Variants in PPP1R12B observed in about 807,000 individuals in gnomAD.
PPP1R12B encodes myosin phosphatase target subunit 2.
In PPP1R12B, 76 loss-of-function variants were observed where a neutral mutation model predicts 126.1. That is an observed-to-expected ratio of 0.60 (90% CI 0.50 to 0.73). PPP1R12B has a LOEUF of 0.73. PPP1R12B is among the 30% of genes least tolerant of loss of function. The pLI, the probability that PPP1R12B is intolerant of heterozygous loss-of-function variation, is 0.00. For synonymous variants in PPP1R12B, 356 were observed against 434.7 expected (o/e 0.82, Z 2.25); for missense variants, 1,052 against 1,205.1 (o/e 0.87, Z 1.88).
chr1:202,510,528 A>G (rs1681331614), intron 18 of PPP1R12B, among the ~76,000 whole-genome samples: 6 of 152,328 alleles, frequency 3.9e-5, no homozygotes, highest in East Asian at 1.9e-4. Context: ...ATTAAAGAGT[A>G]GGATTAACTG....
intron 10 of PPP1R12B, 25 bp from the exon 11 acceptor site, chr1:202,440,681 T>A: frequency 1.3e-6 from 2 of 1,567,566 alleles, no homozygotes; most frequent in Non-Finnish European, 1.8e-6. Context: ...ACCTTTCTTG[T>A]GCTTTACTTG....
At chr1:202,490,785 C>A (rs775040975) in intron 14 of PPP1R12B, among the ~76,000 whole-genome samples, 5 of 152,196 alleles carry the variant, frequency 3.3e-5, no homozygotes, top group Admixed American at 2.6e-4. Context: ...CATATTATAG[C>A]ATGTGTCAGA....
At chr1:202,370,935 C>T (rs530644547) in intron 1 of PPP1R12B, among the ~76,000 whole-genome samples, 15 of 151,134 alleles carry the variant, frequency 9.9e-5, no homozygotes, top group African/African-American at 3.2e-4. Flanking sequence ...ATTCTGTTTG[C>T]TCCACATCTT....
intron 13 of PPP1R12B, among the ~76,000 whole-genome samples, chr1:202,484,898 G>A (rs1677872087): frequency 6.6e-6 from 1 of 152,174 alleles, no homozygotes; most frequent in South Asian, 2.1e-4. Flanking sequence ...GCCAAGCATG[G>A]GTACAGCAGG....
At position 202,590,321 on chromosome 1, in the gene PPP1R12B, A is replaced by C. The variant is rs1690058484; in HGVS notation, c.*9761A>C. 1 of 128,904 alleles carries C rather than the reference A, an allele frequency of 7.8e-6. No homozygotes were observed. Among genetic ancestry groups the C allele is most frequent in the African/African-American group, 3.0e-5 (1 of 33,694 alleles). 8.0% of individuals were successfully genotyped at this position (128,904 alleles called of 1,614,324 possible). ...AGACAATGTTCCCCGGCACCACCACACTCCCCACAGTTCCACAGCCTGGCA... is the reference window on the plus strand; with the variant it reads ...AGACAATGTTCCCCGGCACCACCACCCTCCCCACAGTTCCACAGCCTGGCA... On this transcript the variant is annotated 3_prime_UTR_variant, in exon 24 of 24. Transcript: ENST00000608999.
At chr1:202,519,267 T>C (rs534006520) in intron 18 of PPP1R12B, among the ~76,000 whole-genome samples, 1 of 152,184 alleles carries the variant, frequency 6.6e-6, no homozygotes, top group South Asian at 2.1e-4. Context: ...AAAATTTTTT[T>C]TTTTCTTTTT....
intron 1 of PPP1R12B, among the ~76,000 whole-genome samples, chr1:202,361,180 A>G (rs1420088625): frequency 6.6e-6 from 1 of 152,174 alleles, no homozygotes; most frequent in African/African-American, 2.4e-5. Flanking sequence ...GTTGTGAGCT[A>G]CCGCTCCCGG....
In PPP1R12B at chr1:202,449,775, C is replaced by T. The variant is rs371113493; in HGVS notation, c.1850+604C>T. ...GATCTCAGCTCACTGCAGGCTCTGC[C>T]TCCCGGGTTCATGCCATTCTCCTTC... On this transcript the variant is annotated intron_variant, in intron 13 of 23. Transcript: ENST00000608999. 3.4e-4 allele frequency among the ~76,000 whole-genome samples: 52 copies of T among 152,254 alleles called. 1 individual carries two copies. Among genetic ancestry groups the T allele is most frequent in the African/African-American group, 1.2e-3 (49 of 41,540 alleles).
intron 1 of PPP1R12B, among the ~76,000 whole-genome samples, chr1:202,351,525 C>T (rs1445743559): frequency 1.3e-5 from 2 of 152,166 alleles, no homozygotes. Flanking sequence ...AGGCATGAGC[C>T]ACCGCGCATG....
At chr1:202,539,420 A>G (rs1385985425) in intron 18 of PPP1R12B, among the ~76,000 whole-genome samples, 1 of 152,192 alleles carries the variant, frequency 6.6e-6, no homozygotes, top group Non-Finnish European at 1.5e-5. Flanking sequence ...AGAAAATAGA[A>G]GAGGGGAGGG....
chr1:202,426,305 CT>C (rs1669499229), intron 4 of PPP1R12B, among the ~76,000 whole-genome samples: 1 of 152,204 alleles, frequency 6.6e-6, no homozygotes, highest in Admixed American at 6.5e-5. Context: ...TAACTGGACT[CT>C]TCCAGTATTT....
chr1:202,459,829 T>C (rs895668241), intron 13 of PPP1R12B, among the ~76,000 whole-genome samples: 3 of 152,162 alleles, frequency 2.0e-5, no homozygotes, highest in Non-Finnish European at 2.9e-5. Flanking sequence ...ACAGTCTCTA[T>C]CTTTAGGGCT....
At chr1:202,516,915 A>T (rs1682213775) in intron 18 of PPP1R12B, among the ~76,000 whole-genome samples, 1 of 152,226 alleles carries the variant, frequency 6.6e-6, no homozygotes, top group African/African-American at 2.4e-5. Flanking sequence ...TGGATTAGTT[A>T]GTGAGGTGTG....
chr1:202,587,130 C>T lies in PPP1R12B; in HGVS notation c.*6570C>T, dbSNP rs1558409682. The T allele has an allele frequency of 6.6e-6, 1 of 151,646 alleles. No homozygotes were observed. The highest frequency in any genetic ancestry group is 6.6e-5 in the Admixed American group (1 of 15,258). 9.4% of individuals were successfully genotyped at this position (151,646 alleles called of 1,614,324 possible). A position where few individuals can be genotyped will look rare whatever the true frequency, so the allele number is the denominator to read the frequency against. On this transcript the variant is annotated 3_prime_UTR_variant, in exon 24 of 24. Coordinates refer to ENST00000608999, the MANE Select transcript of PPP1R12B (RefSeq NM_002481.4). Reference sequence around the variant, plus strand: ...CTGTTATTTCTCCTCCAAATTTTTCCCTGATGTTTCCAATAAAGATTTACT... The same window carrying T: ...CTGTTATTTCTCCTCCAAATTTTTCTCTGATGTTTCCAATAAAGATTTACT...
chr1:202,585,891 A>G lies in PPP1R12B; in HGVS notation c.*5331A>G, dbSNP rs1219134944. On this transcript the variant is annotated 3_prime_UTR_variant, in exon 24 of 24. Coordinates refer to ENST00000608999, the MANE Select transcript of PPP1R12B (RefSeq NM_002481.4). ...TAATAGGAAATAGACCTGCTGCTTC[A>G]TAGGTTTCCTCAACCACCTTTCCTC... 2 of 152,228 alleles carry G rather than the reference A, an allele frequency of 1.3e-5. No individual in the cohort carries two copies. The highest frequency in any genetic ancestry group is 1.3e-4 in the Admixed American group (2 of 15,282). 9.4% of individuals were successfully genotyped at this position (152,228 alleles called of 1,614,324 possible).
At position 202,424,549 on chromosome 1, in the gene PPP1R12B, C is replaced by G. The variant is rs1669251408; in HGVS notation, c.542-1017C>G. ...ATGTTGATCAGGCTTGTCTCGAACT[C>G]TGATCTCAGGTGATCCACCCACCTA... On this transcript the variant is annotated intron_variant, in intron 3 of 23. Transcript: ENST00000608999. Among the ~76,000 whole-genome samples the G allele has an allele frequency of 2.6e-5, 4 of 152,226 alleles. No individual in the cohort carries two copies. The South Asian group carries it at 8.3e-4, about 32-fold the overall frequency.
intron 18 of PPP1R12B, among the ~76,000 whole-genome samples, chr1:202,555,691 T>G (rs1232598017): frequency 1.3e-5 from 2 of 151,836 alleles, no homozygotes; most frequent in South Asian, 4.2e-4. Context: ...TTGGAAAGAG[T>G]GTCAAGAATG....
intron 1 of PPP1R12B, among the ~76,000 whole-genome samples, chr1:202,371,001 C>CTTTTTTT (rs774584500): frequency 9.2e-6 from 1 of 109,142 alleles, no homozygotes; most frequent in African/African-American, 3.3e-5. Context: ...TGCTCCACAT[C>CTTTTTTT]TTTTTTTTTT....
rs191061146 is a variant in PPP1R12B at position 202,532,775 on chromosome 1, T to G, written c.2491-26102T>G. Among the ~76,000 whole-genome samples the G allele has an allele frequency of 2.6e-4, 39 of 148,850 alleles. No individual in the cohort carries two copies. In the East Asian group the frequency reaches 6.6e-3, roughly 25 times the overall value. On this transcript the variant is annotated intron_variant, in intron 18 of 23. Coordinates refer to ENST00000608999, the MANE Select transcript of PPP1R12B (RefSeq NM_002481.4). ...ACTGTAGTGAGATGAAAAAACTCTGTTTTTTTTTTAAACACTGTTAAACTT... is the reference window on the plus strand; with the variant it reads ...ACTGTAGTGAGATGAAAAAACTCTGGTTTTTTTTTAAACACTGTTAAACTT...
Sources: allele counts gnomAD v4.1 joint callset (sites outside exome capture counted in the v4.1 genomes callset), GRCh38; gene constraint gnomAD v4.1.1; transcripts MANE v1.5; gene names NCBI Gene and HGNC (gene_info 2026-07-23, HGNC 2026-07-21).